The following AFF2 variants were observed in gnomAD, a reference collection of about 807,000 sequenced individuals.
AFF2 encodes AF4/FMR2 family member 2.
In AFF2, 14 loss-of-function variants were observed where a neutral mutation model predicts 76.9. That is an observed-to-expected ratio of 0.18 (90% CI 0.12 to 0.28). AFF2 has a LOEUF of 0.28. Ranked by LOEUF, AFF2 falls within the 10% of genes least tolerant of loss-of-function variation. AFF2 has a pLI of 1.00. For missense variants in AFF2, 868 were observed against 1,001.1 expected (o/e 0.87, Z 1.79); for synonymous variants, 398 against 366.7 (o/e 1.09, Z -0.98).
At chrX:148,778,011 C>A (rs782711336) in intron 3 of AFF2, among the ~76,000 whole-genome samples, 1 of 111,889 alleles carries the variant, frequency 8.9e-6, no homozygotes, top group East Asian at 2.8e-4. Context: ...CTCTTATTAT[C>A]TTGAGGTATG....
chrX:148,707,954 C>A (rs1405971832), intron 3 of AFF2, among the ~76,000 whole-genome samples: 1 of 111,597 alleles, frequency 9.0e-6, no homozygotes, highest in African/African-American at 3.3e-5. Context: ...GACAGAACTG[C>A]AAATGATTCA....
intron 4 of AFF2, among the ~76,000 whole-genome samples, chrX:148,837,425 CT>C (rs2070540015): frequency 9.0e-6 from 1 of 111,688 alleles, no homozygotes; most frequent in Non-Finnish European, 1.9e-5. Context: ...CCTGATGATG[CT>C]GTCTCAACAT....
intron 5 of AFF2, among the ~76,000 whole-genome samples, chrX:148,841,136 C>T (rs1188456673): frequency 5.4e-5 from 6 of 111,630 alleles, no homozygotes; most frequent in African/African-American, 9.7e-5. Context: ...AGTACAAAGA[C>T]GGCCTGCATG....
intron 3 of AFF2, among the ~76,000 whole-genome samples, chrX:148,769,663 C>T (rs981298843): frequency 1.6e-4 from 18 of 110,693 alleles, no homozygotes; most frequent in South Asian, 1.2e-3. Context: ...CCAGAACAGA[C>T]GTTCTGAATG....
Position 148,955,611 on chromosome X carries a change from A to T in AFF2, c.1566A>T (p.Pro522=). 1 of 1,203,127 alleles carries T rather than the reference A, an allele frequency of 8.3e-7. No homozygotes were observed. The highest frequency in any genetic ancestry group is 1.8e-5 in the South Asian group (1 of 54,805). The change falls in exon 11 of 21, where the codon CCA becomes CCT. Residue 522 remains proline, a synonymous_variant. Transcript: ENST00000370460. ...APRVATPEPE[P]PSTNKWQLDK... is the part of the protein sequence containing the mutation. ...TGTTTCTCAATCTGCAGCCTGAGCC[A>T]CCCTCAACCAACAAGTGGCAACTGG...
In AFF2 at chrX:148,674,439, A is replaced by G. The variant is rs1265448069; in HGVS notation, c.1041+11671A>G. On this transcript the variant is annotated intron_variant, in intron 3 of 20. Coordinates refer to ENST00000370460, the MANE Select transcript of AFF2 (RefSeq NM_002025.4). ...GTCAGTTTTGTTCTTGTACAGAGCA[A>G]AATCCTAGAGTCAGGAGAGGTATCT... 3.6e-5 allele frequency among the ~76,000 whole-genome samples: 4 copies of G among 111,619 alleles called. No individual in the cohort carries two copies. In the East Asian group the frequency reaches 8.4e-4, roughly 24 times the overall value.
At chrX:148,558,412 A>G (rs16994619) in intron 1 of AFF2, among the ~76,000 whole-genome samples, 1 of 110,894 alleles carries the variant, frequency 9.0e-6, no homozygotes, top group Non-Finnish European at 1.9e-5. Flanking sequence ...AACATGCTGC[A>G]CCTTTGAAGC....
intron 1 of AFF2, among the ~76,000 whole-genome samples, chrX:148,532,264 AG>A (rs782265353): frequency 3.6e-5 from 4 of 112,386 alleles, no homozygotes; most frequent in African/African-American, 1.3e-4. Flanking sequence ...CAAATTGAGT[AG>A]CAATTAAGTA....
At chrX:148,874,398 G>A (rs558586595) in intron 7 of AFF2, among the ~76,000 whole-genome samples, 7 of 100,317 alleles carry the variant, frequency 7.0e-5, no homozygotes, top group South Asian at 5.0e-4. Context: ...TGCAACAACC[G>A]TCCAAAGTTG....
chrX:148,950,860 A>C (rs1451047523), intron 9 of AFF2, among the ~76,000 whole-genome samples: 1 of 111,755 alleles, frequency 8.9e-6, no homozygotes, highest in African/African-American at 3.3e-5. Context: ...ACACTTCTGA[A>C]ATTCAAAAAG....
intron 3 of AFF2, among the ~76,000 whole-genome samples, chrX:148,758,684 G>T (rs782412947): frequency 2.7e-5 from 3 of 111,437 alleles, no homozygotes; most frequent in Admixed American, 9.6e-5. Context: ...TTACATTTTT[G>T]ATTTAACATT....
At position 148,688,300 on chromosome X, in the gene AFF2, C is replaced by T. The variant is rs190878322; in HGVS notation, c.1041+25532C>T. On this transcript the variant is annotated intron_variant, in intron 3 of 20. Coordinates refer to ENST00000370460, the MANE Select transcript of AFF2 (RefSeq NM_002025.4). ...TCTGGAGATCCCCTTGTGACCTGGC[C>T]CTTGCTGCCCTTGCCAGCTTCTTCT... Among the ~76,000 whole-genome samples, 275 of 111,436 alleles carry T rather than the reference C, an allele frequency of 2.5e-3. 1 individual carries two copies. Among genetic ancestry groups the T allele is most frequent in the African/African-American group, 8.6e-3 (264 of 30,680 alleles).
At chrX:148,582,608 G>C (rs184060143) in intron 1 of AFF2, among the ~76,000 whole-genome samples, 3 of 111,903 alleles carry the variant, frequency 2.7e-5, no homozygotes, top group African/African-American at 9.7e-5. Context: ...TGCTGAAAAA[G>C]TGGAGAAATT....
chrX:148,572,268 G>A (rs1248534269), intron 1 of AFF2, among the ~76,000 whole-genome samples: 1 of 111,794 alleles, frequency 8.9e-6, no homozygotes, highest in Non-Finnish European at 1.9e-5. Context: ...AAGTGTTGGC[G>A]AGGATGTCGC....
intron 3 of AFF2, among the ~76,000 whole-genome samples, chrX:148,709,952 G>C (rs2054943515): frequency 9.0e-6 from 1 of 111,576 alleles, no homozygotes; most frequent in African/African-American, 3.3e-5. Flanking sequence ...AATTGAGAAA[G>C]CCTAAAATAA....
intron 3 of AFF2, among the ~76,000 whole-genome samples, chrX:148,745,788 G>T (rs990658306): frequency 9.0e-6 from 1 of 110,651 alleles, no homozygotes; most frequent in Non-Finnish European, 1.9e-5. Flanking sequence ...TGTCGCCAAC[G>T]CTGGGGTGTA....
intron 7 of AFF2, among the ~76,000 whole-genome samples, chrX:148,862,675 AAC>A (rs1557276513): frequency 9.0e-6 from 1 of 111,450 alleles, no homozygotes. Flanking sequence ...TACATAGTTA[AAC>A]TGGCAAGAAC....
intron 4 of AFF2, among the ~76,000 whole-genome samples, chrX:148,816,925 G>A (rs1201347954): frequency 1.9e-5 from 1 of 52,022 alleles, no homozygotes; most frequent in African/African-American, 6.6e-5. Flanking sequence ...ATCACCACAA[G>A]ATCTATGCAA....
At chrX:148,806,612 C>T (rs1328822244) in intron 3 of AFF2, among the ~76,000 whole-genome samples, 1 of 112,032 alleles carries the variant, frequency 8.9e-6, no homozygotes, top group Middle Eastern at 4.2e-3. Context: ...TTGGCACCAT[C>T]CTGAGCACAG....
Sources: gnomAD v4.1 joint callset for allele counts (sites outside exome capture counted in the v4.1 genomes callset) on GRCh38, gnomAD v4.1.1 for gene constraint, MANE v1.5 for transcripts, NCBI Gene and HGNC (gene_info 2026-07-23, HGNC 2026-07-21) for gene names.